The following CAST variants were observed in gnomAD, a reference collection of about 807,000 sequenced individuals.
CAST encodes MIR583 host.
A neutral mutation model predicts 119.6 loss-of-function variants in CAST; 76 were observed. The ratio of observed to expected loss-of-function variants is 0.64; its 90% CI spans 0.53 to 0.77. The LOEUF is 0.77. Ranked by LOEUF, CAST falls within the 30% of genes least tolerant of loss-of-function variation. The pLI, the probability that CAST is intolerant of heterozygous loss-of-function variation, is 0.00. For synonymous variants in CAST, 319 were observed against 331.6 expected (o/e 0.96, Z 0.41); for missense variants, 953 against 946.5 (o/e 1.01, Z -0.09).
At position 96,676,855 on chromosome 5, in the gene CAST, C is replaced by T. The variant is rs549819159; in HGVS notation, c.138+1254C>T. 1.9e-4 allele frequency among the ~76,000 whole-genome samples: 29 copies of T among 151,858 alleles called. No individual in the cohort carries two copies. In the South Asian group the frequency reaches 5.8e-3, roughly 31 times the overall value. On this transcript the variant is annotated intron_variant, in intron 2 of 31. Coordinates refer to ENST00000675179, the MANE Select transcript of CAST (RefSeq NM_001750.7). Reference sequence around the variant, plus strand: ...GGATCACGAGGTCAGGAGTTCAAGACCAGTCTGGCCAACATAGTGAAACCC... The same window carrying T: ...GGATCACGAGGTCAGGAGTTCAAGATCAGTCTGGCCAACATAGTGAAACCC...
chr5:96,618,606 G>A (rs1344973288), intron 1 of CAST, among the ~76,000 whole-genome samples: 1 of 152,236 alleles, frequency 6.6e-6, no homozygotes, highest in Non-Finnish European at 1.5e-5. Context: ...CGCATTCGGG[G>A]CAGCGGGCTG....
chr5:96,054,826 G>A, the CAST span, among the ~76,000 whole-genome samples: 1 of 152,134 alleles, frequency 6.6e-6, no homozygotes, highest in Non-Finnish European at 1.5e-5. Context: ...TGTGTGAAGA[G>A]CATGTGAAAC....
chr5:96,545,005 A>T (rs1745980750), intron 1 of CAST, among the ~76,000 whole-genome samples: 2 of 152,318 alleles, frequency 1.3e-5, no homozygotes, highest in Middle Eastern at 3.4e-3. Flanking sequence ...AAGATTATTA[A>T]TGACAAACGG....
chr5:96,269,782 C>T, the CAST span, among the ~76,000 whole-genome samples: 1 of 151,912 alleles, frequency 6.6e-6, no homozygotes. Flanking sequence ...AAAGAAAAGC[C>T]CAAGACCTGA....
the CAST span, among the ~76,000 whole-genome samples, chr5:96,112,090 G>A: frequency 6.6e-6 from 1 of 150,606 alleles, no homozygotes; most frequent in South Asian, 2.1e-4. Flanking sequence ...AAGAAAAATG[G>A]ACTCAATTAT....
the CAST span, among the ~76,000 whole-genome samples, chr5:96,423,614 G>A: frequency 1.1e-4 from 16 of 152,196 alleles, no homozygotes; most frequent in Non-Finnish European, 1.8e-4. Flanking sequence ...AAACAAAGTT[G>A]AGAGTAAGGC....
chr5:96,600,037 C>A (rs1747121228), intron 1 of CAST, among the ~76,000 whole-genome samples: 1 of 145,962 alleles, frequency 6.9e-6, no homozygotes, highest in Non-Finnish European at 1.5e-5. Context: ...TGTATCATTT[C>A]TTCCAAAGGT....
chr5:96,550,313 G>A (rs895940563), intron 1 of CAST, among the ~76,000 whole-genome samples: 4 of 152,214 alleles, frequency 2.6e-5, no homozygotes, highest in African/African-American at 7.2e-5. Flanking sequence ...CAGACCTGCA[G>A]CTGAGGGGCC....
chr5:96,729,568 C>T lies in CAST; in HGVS notation c.436-44C>T, dbSNP rs199801549. 1.9e-5 allele frequency: 15 copies of T among 801,686 alleles called. No homozygotes were observed. In the East Asian group the frequency reaches 3.6e-4, roughly 19 times the overall value. 49.7% of individuals were successfully genotyped at this position (801,686 alleles called of 1,614,324 possible). On this transcript the variant is annotated intron_variant, in intron 7 of 31. Coordinates refer to ENST00000675179, the MANE Select transcript of CAST (RefSeq NM_001750.7). ...ATGTTTAAGACTACCATCTTGTTAACAATGTCTTTATATGTGTGTGGGCAC... is the reference window on the plus strand; with the variant it reads ...ATGTTTAAGACTACCATCTTGTTAATAATGTCTTTATATGTGTGTGGGCAC...
At chr5:96,132,357 A>C in the CAST span, among the ~76,000 whole-genome samples, 2 of 152,090 alleles carry the variant, frequency 1.3e-5, no homozygotes, top group South Asian at 4.1e-4. Context: ...ATAATGATCA[A>C]ATTAGGGTAA....
At chr5:96,149,124 T>C in the CAST span, among the ~76,000 whole-genome samples, 1 of 152,252 alleles carries the variant, frequency 6.6e-6, no homozygotes, top group African/African-American at 2.4e-5. Context: ...GTATGGAGTC[T>C]TCTCTCTGTC....
chr5:96,262,686 C>G, the CAST span, among the ~76,000 whole-genome samples: 2 of 152,054 alleles, frequency 1.3e-5, no homozygotes, highest in Non-Finnish European at 2.9e-5. Flanking sequence ...CCTGCCACCA[C>G]GCCCGGCTAA....
the CAST span, among the ~76,000 whole-genome samples, chr5:96,366,190 G>A: frequency 6.6e-6 from 1 of 152,226 alleles, no homozygotes; most frequent in African/African-American, 2.4e-5. Flanking sequence ...TTTCTGCAGA[G>A]AGATCCACTG....
the CAST span, among the ~76,000 whole-genome samples, chr5:96,406,163 CT>C: frequency 6.6e-6 from 1 of 152,132 alleles, no homozygotes; most frequent in Admixed American, 6.5e-5. Flanking sequence ...AAAAAAAGGT[CT>C]CGTTTGACCC....
At chr5:96,038,117 A>G in the CAST span, among the ~76,000 whole-genome samples, 5 of 152,108 alleles carry the variant, frequency 3.3e-5, no homozygotes, top group African/African-American at 9.7e-5. Flanking sequence ...GTTGCATTCT[A>G]TTTGTCAAAA....
chr5:96,603,065 A>T (rs981383676), intron 1 of CAST, among the ~76,000 whole-genome samples: 4 of 152,216 alleles, frequency 2.6e-5, no homozygotes, highest in Non-Finnish European at 5.9e-5. Context: ...GAAAAAAAGA[A>T]TTGCCTTCCA....
At chr5:96,104,635 T>C in the CAST span, among the ~76,000 whole-genome samples, 13 of 151,738 alleles carry the variant, frequency 8.6e-5, no homozygotes, top group African/African-American at 3.2e-4. Context: ...TTGGTTACTG[T>C]AGCCTTGTAG....
the CAST span, among the ~76,000 whole-genome samples, chr5:96,449,854 T>C: frequency 9.8e-5 from 15 of 152,340 alleles, no homozygotes; most frequent in African/African-American, 3.6e-4. Context: ...TCAAGGATTC[T>C]CTTACCACTC....
the CAST span, among the ~76,000 whole-genome samples, chr5:96,303,213 T>G: frequency 6.6e-6 from 1 of 152,166 alleles, no homozygotes; most frequent in Admixed American, 6.6e-5. Flanking sequence ...CCAAATATTA[T>G]GAGAACTCAC....
Sources: gnomAD v4.1 joint callset for allele counts (sites outside exome capture counted in the v4.1 genomes callset) on GRCh38, gnomAD v4.1.1 for gene constraint, MANE v1.5 for transcripts, NCBI Gene and HGNC (gene_info 2026-07-23, HGNC 2026-07-21) for gene names.